Variants in HYDIN observed in about 807,000 individuals in gnomAD.
The protein encoded by HYDIN is axonemal central pair apparatus protein HYDIN.
Under a neutral mutation model 403.9 loss-of-function variants are expected in HYDIN, and 132 were observed. The ratio of observed to expected loss-of-function variants is 0.33; its 90% CI spans 0.28 to 0.38. HYDIN has a LOEUF of 0.38. Among genes scored for constraint, HYDIN ranks in the 10% least tolerant of loss-of-function variants. HYDIN has a pLI of 1.00. For missense variants in HYDIN, 2,827 were observed against 5,009.5 expected (o/e 0.56, Z 13.15); for synonymous variants, 1,202 against 1,891.7 (o/e 0.64, Z 9.46).
At chr16:70,819,188 T>C (rs1454175540) in intron 83 of HYDIN, among the ~76,000 whole-genome samples, 1 of 151,996 alleles carries the variant, frequency 6.6e-6, no homozygotes, top group Non-Finnish European at 1.5e-5. Flanking sequence ...GTGCTAGGAT[T>C]ATAGGTGTGA....
At chr16:71,020,970 T>A (rs545959667) in intron 21 of HYDIN, among the ~76,000 whole-genome samples, 1 of 151,818 alleles carries the variant, frequency 6.6e-6, no homozygotes, top group African/African-American at 2.4e-5. Flanking sequence ...TTATAGGGCC[T>A]TCCACAGTGT....
chr16:70,958,996 A>G (rs1338399650), intron 39 of HYDIN, among the ~76,000 whole-genome samples: 2 of 151,824 alleles, frequency 1.3e-5, no homozygotes, highest in Non-Finnish European at 2.9e-5. Flanking sequence ...CGAAGTTTAG[A>G]TAGACAAATG....
In HYDIN at chr16:70,807,577, C is replaced by A. The variant is rs1567632323; in HGVS notation, c.*3G>T. ...TGGTTGATACAGGTAACCCTGGTTA[C>A]CACTAAAGGGTGATCCCCTTCAGAT... is the stretch of plus-strand genomic sequence containing the variant. On this transcript the variant is annotated 3_prime_UTR_variant, in exon 86 of 86. Transcript: ENST00000393567. 2 of 1,603,410 alleles carry A rather than the reference C, an allele frequency of 1.2e-6. No individual in the cohort carries two copies.
chr16:70,930,449 C>G (rs1341392551), intron 45 of HYDIN, among the ~76,000 whole-genome samples: 2 of 151,890 alleles, frequency 1.3e-5, no homozygotes, highest in Non-Finnish European at 2.9e-5. Context: ...CCACTGCACT[C>G]CAGCCTAGGC....
At chr16:71,226,622 A>G (rs1332846497) in intron 1 of HYDIN, among the ~76,000 whole-genome samples, 3 of 152,226 alleles carry the variant, frequency 2.0e-5, no homozygotes, top group Admixed American at 6.5e-5. Context: ...AAGAAAATTG[A>G]AACCAGCCCA....
intron 4 of HYDIN, among the ~76,000 whole-genome samples, chr16:71,178,512 C>T (rs1385753718): frequency 6.7e-6 from 1 of 148,630 alleles, no homozygotes; most frequent in Non-Finnish European, 1.5e-5. Flanking sequence ...TATATATATG[C>T]TCAACAATTG....
intron 8 of HYDIN, among the ~76,000 whole-genome samples, chr16:71,134,512 G>A (rs529942813): frequency 3.9e-5 from 6 of 152,192 alleles, no homozygotes; most frequent in East Asian, 3.8e-4. Context: ...TAAAGATCTC[G>A]CTGCTGCTTT....
intron 76 of HYDIN, 142 bp downstream of exon 76, chr16:70,839,922 T>A: frequency 1.8e-6 from 1 of 557,308 alleles, no homozygotes; most frequent in South Asian, 2.0e-5. Context: ...GACAGGGACC[T>A]AGGATTCATA....
At chr16:70,955,652 A>T in intron 39 of HYDIN, 104 bp from the exon 40 acceptor site, 1 of 576,044 alleles carries the variant, frequency 1.7e-6, no homozygotes, top group Non-Finnish European at 3.1e-6. Flanking sequence ...GATCTCTCTG[A>T]GTGCTCTGCC....
At chr16:70,894,930 A>G (rs897150538) in intron 54 of HYDIN, among the ~76,000 whole-genome samples, 3 of 152,202 alleles carry the variant, frequency 2.0e-5, no homozygotes, top group South Asian at 2.1e-4. Flanking sequence ...AAAACTCCTC[A>G]TAAGTGTGTT....
intron 23 of HYDIN, among the ~76,000 whole-genome samples, chr16:71,008,581 G>A (rs113641874): frequency 0.01 from 1,531 of 149,764 alleles, no homozygotes; most frequent in African/African-American, 0.036. Context: ...TTTGTGGTCT[G>A]GAAAGCTGTT....
At chr16:71,002,000 T>G (rs1170436208) in intron 23 of HYDIN, among the ~76,000 whole-genome samples, 2 of 152,384 alleles carry the variant, frequency 1.3e-5, no homozygotes, top group East Asian at 3.9e-4. Flanking sequence ...CATTCATATC[T>G]GTTCTTCTGT....
chr16:70,875,187 G>A (rs1229528898), intron 62 of HYDIN, among the ~76,000 whole-genome samples: 21 of 150,526 alleles, frequency 1.4e-4, no homozygotes, highest in Admixed American at 1.3e-3. Context: ...CACGTAGGTA[G>A]TGTCAAAATG....
At chr16:70,972,818 C>T (rs1271044647) in intron 35 of HYDIN, among the ~76,000 whole-genome samples, 6 of 152,322 alleles carry the variant, frequency 3.9e-5, no homozygotes, top group African/African-American at 1.2e-4. Context: ...TGTAATCAAA[C>T]ACATTAACAG....
chr16:70,807,618 C>G lies in HYDIN; in HGVS notation c.15328G>C (p.Val5110Leu). ...CPPGEGSETG[V>L]KWVYYLKGIT... ...CCCTTCAGATAATAAACCCATTTAACTCCAGTCTCACTCCCTTCACCAGGA... is the reference window on the plus strand; with the variant it reads ...CCCTTCAGATAATAAACCCATTTAAGTCCAGTCTCACTCCCTTCACCAGGA... The change falls in exon 86 of 86, where the codon GTT becomes CTT. Residue 5110 changes from valine (V) to leucine (L), a missense_variant. By Grantham distance (32) the Val-to-Leu change is conservative (BLOSUM62 1). Coordinates refer to ENST00000393567, the MANE Select transcript of HYDIN (RefSeq NM_001270974.2). 1 of 1,613,954 alleles carries G rather than the reference C, an allele frequency of 6.2e-7. No individual in the cohort carries two copies. The highest frequency in any genetic ancestry group is 1.7e-5 in the Admixed American group (1 of 60,012).
intron 52 of HYDIN, among the ~76,000 whole-genome samples, chr16:70,901,477 C>A (rs1327743355): frequency 2.0e-5 from 3 of 151,532 alleles, no homozygotes; most frequent in African/African-American, 7.3e-5. Flanking sequence ...CACTGGTTCT[C>A]ATCACTTAGC....
At position 70,802,457 on chromosome 16, in the gene HYDIN, G is replaced by T. The variant is rs2034922649; in HGVS notation, c.*5123C>A. On this transcript the variant is annotated 3_prime_UTR_variant, in exon 86 of 86. Transcript: ENST00000393567. The stretch of plus-strand genomic sequence containing the variant: ...AGTGAGTACTTAAAAGAGATTAGAA[G>T]AAATTTGAACTGGAAGAGAGACTCT... 1 of 152,212 alleles carries T rather than the reference G, an allele frequency of 6.6e-6. No homozygotes were observed. The highest frequency in any genetic ancestry group is 6.5e-5 in the Admixed American group (1 of 15,274). 9.4% of individuals were successfully genotyped at this position (152,212 alleles called of 1,614,324 possible).
chr16:71,177,979 A>G (rs911503328), intron 4 of HYDIN, among the ~76,000 whole-genome samples: 1 of 152,234 alleles, frequency 6.6e-6, no homozygotes, highest in Non-Finnish European at 1.5e-5. Flanking sequence ...GAAGCCTTCA[A>G]AACTGACTGT....
intron 84 of HYDIN, among the ~76,000 whole-genome samples, chr16:70,811,843 G>C (rs1355212940): frequency 7.0e-6 from 1 of 143,352 alleles, no homozygotes. Context: ...GGCCACAAGA[G>C]CAAAACTCCA....
Sources: allele counts gnomAD v4.1 joint callset (sites outside exome capture counted in the v4.1 genomes callset), GRCh38; gene constraint gnomAD v4.1.1; transcripts MANE v1.5; gene names NCBI Gene and HGNC (gene_info 2026-07-23, HGNC 2026-07-21).